Variants in PCDH7 observed in about 807,000 individuals in gnomAD.
PCDH7 encodes protocadherin 7.
In PCDH7, 17 loss-of-function variants were observed where a neutral mutation model predicts 58.9. The ratio of observed to expected loss-of-function variants is 0.29; its 90% CI spans 0.20 to 0.43. PCDH7 has a LOEUF of 0.43. PCDH7 is among the 20% of genes least tolerant of loss of function. The probability of loss-of-function intolerance (pLI) is 1.00; values close to 1 mark genes in which losing one functional copy is unlikely to be tolerated. For missense variants in PCDH7, 1,274 were observed against 1,441.0 expected, an observed-to-expected ratio of 0.88 and a Z score of 1.88; for synonymous variants, 664 against 616.4, an observed-to-expected ratio of 1.08 and a Z score of -1.14.
chr4:30,904,725 G>A (rs968909927), intron 1 of PCDH7, among the ~76,000 whole-genome samples: 1 of 152,144 alleles, frequency 6.6e-6, no homozygotes, highest in Admixed American at 6.6e-5. Context: ...GTCACTGGTA[G>A]CTTTCCTTTC....
chr4:30,822,993 T>A (rs1471547665), intron 1 of PCDH7, among the ~76,000 whole-genome samples: 1 of 152,156 alleles, frequency 6.6e-6, no homozygotes, highest in Non-Finnish European at 1.5e-5. Context: ...GATAAAAGCC[T>A]TAGAGCCCAG....
At chr4:30,920,285 C>G in exon 2 of PCDH7, 1 of 1,367,562 alleles carries the variant, frequency 7.3e-7, no homozygotes, top group Non-Finnish European at 9.8e-7. Context: ...AGGGCCAAGA[C>G]TGGGTGCGCT....
At chr4:30,948,963 G>A (rs570101857) in intron 2 of PCDH7, among the ~76,000 whole-genome samples, 1 of 152,246 alleles carries the variant, frequency 6.6e-6, no homozygotes, top group South Asian at 2.1e-4. Context: ...TGATCCTTGT[G>A]ATAGCTGCTT....
In PCDH7 at chr4:30,722,090, A is replaced by G. The variant is rs1713688571; in HGVS notation, c.668A>G (p.Lys223Arg). The change falls in exon 1 of 2, where the codon AAG becomes AGG. Residue 223 changes from lysine to arginine, a missense_variant. Physicochemically the swap from Lys to Arg is conservative, Grantham distance 26. Coordinates refer to ENST00000361762, the Ensembl canonical transcript of PCDH7. The surrounding 1 kb of genome is among the most constrained non-coding windows in gnomAD (Gnocchi z 7.6). ...AGCGGCGGCGGCTCGGGAGGCTCCA[A>G]GCGGCGGCTGGACGCATCAGAGGGC... 2 of 1,322,390 alleles carry G rather than the reference A, an allele frequency of 1.5e-6. No homozygotes were observed. The highest frequency in any genetic ancestry group is 1.9e-6 in the Non-Finnish European group (2 of 1,040,868). The allele number at this position is 1,322,390 out of a possible 1,614,324, so 81.9% of individuals were successfully genotyped here. A position where few individuals can be genotyped will look rare whatever the true frequency, so the allele number is the denominator to read the frequency against.
At chr4:30,848,224 A>C (rs1732244019) in intron 1 of PCDH7, among the ~76,000 whole-genome samples, 1 of 152,106 alleles carries the variant, frequency 6.6e-6, no homozygotes. Context: ...CTAGAGCCTA[A>C]AACTTTGCAT....
At chr4:30,736,328 A>T (rs1038205844), downstream of PCDH7, among the ~76,000 whole-genome samples, 1 of 152,166 alleles carries the variant, frequency 6.6e-6, no homozygotes, top group Non-Finnish European at 1.5e-5. Flanking sequence ...AATTTGAGAG[A>T]TAATATATTT....
intron 2 of PCDH7, among the ~76,000 whole-genome samples, chr4:30,930,701 G>A (rs996282315): frequency 6.6e-6 from 1 of 152,168 alleles, no homozygotes; most frequent in East Asian, 1.9e-4. Flanking sequence ...AGAGGCTGAG[G>A]TGGGTGGATT....
chr4:30,946,704 GT>G (rs2109442420), intron 2 of PCDH7, among the ~76,000 whole-genome samples: 1 of 147,438 alleles, frequency 6.8e-6, no homozygotes, highest in South Asian at 2.1e-4. Flanking sequence ...GTGTGTGTGT[GT>G]GTGTGTGTGT....
intron 2 of PCDH7, among the ~76,000 whole-genome samples, chr4:30,934,945 A>G (rs548546857): frequency 3.4e-4 from 52 of 152,228 alleles, no homozygotes; most frequent in African/African-American, 1.3e-3. Flanking sequence ...AACAATAATT[A>G]TGATAATAAC....
intron 1 of PCDH7, among the ~76,000 whole-genome samples, chr4:30,756,153 C>A (rs2109263692): frequency 6.6e-6 from 1 of 152,176 alleles, no homozygotes; most frequent in African/African-American, 2.4e-5. Flanking sequence ...TGAGGAGGGA[C>A]TAAACCTAAG....
At chr4:30,861,835 T>A (rs1416941906) in intron 1 of PCDH7, among the ~76,000 whole-genome samples, 1 of 152,168 alleles carries the variant, frequency 6.6e-6, no homozygotes, top group African/African-American at 2.4e-5. Context: ...AGGTTGTATA[T>A]AAGCTACTTA....
chr4:30,730,906 T>A, exon 2 of PCDH7: 1 of 1,375,414 alleles, frequency 7.3e-7, no homozygotes, highest in South Asian at 2.2e-5. Context: ...TTGTTCCACT[T>A]GTTGTACATT....
At chr4:30,971,601 G>A (rs991596934) in intron 3 of PCDH7, among the ~76,000 whole-genome samples, 1 of 152,166 alleles carries the variant, frequency 6.6e-6, no homozygotes, top group African/African-American at 2.4e-5. Context: ...CTCTCTCCCT[G>A]TTTAAACAAG....
chr4:31,063,309 T>A (rs1230547876), intron 3 of PCDH7, among the ~76,000 whole-genome samples: 1 of 151,892 alleles, frequency 6.6e-6, no homozygotes, highest in Non-Finnish European at 1.5e-5. Context: ...AGGTATATAA[T>A]ACATCTTCTT....
At chr4:30,875,504 A>G (rs1282048545) in intron 1 of PCDH7, among the ~76,000 whole-genome samples, 5 of 152,110 alleles carry the variant, frequency 3.3e-5, no homozygotes, top group Non-Finnish European at 7.4e-5. Context: ...GAGAGATTCT[A>G]AGAGAATAGT....
intron 3 of PCDH7, among the ~76,000 whole-genome samples, chr4:31,037,288 T>G (rs541381706): frequency 6.6e-6 from 1 of 152,368 alleles, no homozygotes; most frequent in African/African-American, 2.4e-5. Flanking sequence ...AATAACAATG[T>G]AACCTAAAAA....
chr4:30,894,238 C>T (rs891860595), intron 1 of PCDH7, among the ~76,000 whole-genome samples: 1 of 151,602 alleles, frequency 6.6e-6, no homozygotes, highest in Non-Finnish European at 1.5e-5. Flanking sequence ...GACAATAGCA[C>T]CCAGAAGAAA....
In PCDH7 at chr4:30,945,387, C is replaced by G. The variant is rs2109441064; in HGVS notation, c.288-4733C>G. Among the ~76,000 whole-genome samples, 2 of 152,024 alleles carry G rather than the reference C, an allele frequency of 1.3e-5. 1 individual carries two copies. Among genetic ancestry groups the G allele is most frequent in the South Asian group, 4.2e-4 (2 of 4,816 alleles). On this transcript the variant is annotated intron_variant, in intron 2 of 3. Coordinates refer to the PCDH7 transcript ENST00000509759. ...TTATTAAAGCTGGTAATTTTAAACA[C>G]TTTTAAAATTTAAAATTTTACTCAG... is the stretch of plus-strand genomic sequence containing the variant.
chr4:30,965,871 A>G (rs1404553170), intron 3 of PCDH7, among the ~76,000 whole-genome samples: 2 of 152,166 alleles, frequency 1.3e-5, no homozygotes, highest in African/African-American at 2.4e-5. Context: ...GTGCAGAAGC[A>G]GATCCAGCCA....
Sources: allele counts gnomAD v4.1 joint callset (sites outside exome capture counted in the v4.1 genomes callset), GRCh38; gene constraint gnomAD v4.1.1; non-coding constraint Gnocchi (gnomAD v3.1); transcripts MANE v1.5; gene names NCBI Gene and HGNC (gene_info 2026-07-23, HGNC 2026-07-21).